Variants in ZFHX3 observed in about 807,000 individuals in gnomAD.
ZFHX3 encodes zinc finger homeobox protein 3.
ZFHX3 carries 42 observed loss-of-function variants against 279.1 expected under a neutral mutation model. The ratio of observed to expected loss-of-function variants is 0.15; its 90% CI spans 0.12 to 0.19. ZFHX3 has a LOEUF of 0.19. ZFHX3 is among the 10% of genes least tolerant of loss of function. ZFHX3 has a pLI of 1.00. For synonymous variants in ZFHX3, 2,293 were observed against 1,957.8 expected (o/e 1.17, Z -4.52); for missense variants, 4,981 against 4,754.0 (o/e 1.05, Z -1.40).
intron 1 of ZFHX3, among the ~76,000 whole-genome samples, chr16:73,854,174 G>A (rs1476334540): frequency 6.6e-6 from 1 of 152,166 alleles, no homozygotes. Flanking sequence ...TTATAAACTT[G>A]TTGGAATGTT....
chr16:73,444,147 T>C (rs1326880507), intron 3 of ZFHX3, among the ~76,000 whole-genome samples: 2 of 152,196 alleles, frequency 1.3e-5, no homozygotes, highest in Non-Finnish European at 2.9e-5. Context: ...CTCAATAAAA[T>C]ATTAGACAAA....
chr16:73,010,120 G>A (rs1267158325), intron 1 of ZFHX3, among the ~76,000 whole-genome samples: 1 of 152,006 alleles, frequency 6.6e-6, no homozygotes, highest in African/African-American at 2.4e-5. Flanking sequence ...TGGGAAGGTG[G>A]CACTCAGCTC....
At chr16:73,057,548 A>AG (rs1567653725) in intron 1 of ZFHX3, among the ~76,000 whole-genome samples, 4 of 149,680 alleles carry the variant, frequency 2.7e-5, no homozygotes, top group East Asian at 2.0e-4. Flanking sequence ...AAAAAAAAAA[A>AG]AAGAAGAAGA....
At chr16:72,981,362 A>G (rs1962592353) in intron 1 of ZFHX3, among the ~76,000 whole-genome samples, 1 of 152,246 alleles carries the variant, frequency 6.6e-6, no homozygotes, top group South Asian at 2.1e-4. Flanking sequence ...CTAAGGTTAT[A>G]TAACAGCTTG....
intron 1 of ZFHX3, among the ~76,000 whole-genome samples, chr16:73,834,339 G>A (rs911318384): frequency 3.9e-5 from 6 of 152,180 alleles, no homozygotes; most frequent in Admixed American, 2.6e-4. Flanking sequence ...CATGAAAAAG[G>A]TTAAGTTGTA....
chr16:73,271,086 T>G (rs1340442544), intron 4 of ZFHX3, among the ~76,000 whole-genome samples: 2 of 152,208 alleles, frequency 1.3e-5, no homozygotes, highest in African/African-American at 4.8e-5. Flanking sequence ...TGATTTAATT[T>G]GTCTGGGGTG....
intron 1 of ZFHX3, chr16:73,816,088 T>C (rs1960563820): frequency 6.6e-6 from 1 of 152,206 alleles, no homozygotes; most frequent in Admixed American, 6.5e-5. Flanking sequence ...TGGATCTAAG[T>C]AACCAGCTAG....
intron 1 of ZFHX3, among the ~76,000 whole-genome samples, chr16:73,794,944 T>C (rs1669180601): frequency 6.6e-6 from 1 of 152,164 alleles, no homozygotes; most frequent in Non-Finnish European, 1.5e-5. Flanking sequence ...ATAAAAAAAG[T>C]GTCTAAAAAT....
At chr16:72,999,761 C>G (rs1963427342) in intron 1 of ZFHX3, among the ~76,000 whole-genome samples, 1 of 152,178 alleles carries the variant, frequency 6.6e-6, no homozygotes. Flanking sequence ...CACACTTTGG[C>G]AGCAACTCTT....
chr16:73,305,049 G>A (rs555177871), intron 4 of ZFHX3, among the ~76,000 whole-genome samples: 3 of 150,470 alleles, frequency 2.0e-5, no homozygotes, highest in South Asian at 4.3e-4. Flanking sequence ...CAGAATGACA[G>A]AGACCACAAA....
rs1191245127 is a variant in ZFHX3 at position 72,788,682 on chromosome 16, CTGCTGGGGG to C, written c.9585_9593del (p.Pro3196_Gln3198del). 6.2e-7 allele frequency: 1 copy of C among 1,610,176 alleles called. No individual in the cohort carries two copies. Among genetic ancestry groups the C allele is most frequent in the Non-Finnish European group, 8.5e-7 (1 of 1,178,236 alleles). ...CCTGTGGTTGCTGCTGCTGCTGCTG[CTGCTGGGGG>C]GGTTGCTGAGGGCCCATCGCCATCG... On this transcript the variant is annotated inframe_deletion, in exon 10 of 10. Transcript: ENST00000268489.
chr16:72,832,980 CTG>C (rs1373010755), intron 4 of ZFHX3, among the ~76,000 whole-genome samples: 1 of 152,250 alleles, frequency 6.6e-6, no homozygotes, highest in East Asian at 1.9e-4. Flanking sequence ...AACCGGAAAA[CTG>C]TGAGCTCTGA....
intron 2 of ZFHX3, among the ~76,000 whole-genome samples, chr16:73,649,293 G>C (rs917894843): frequency 4.6e-5 from 7 of 152,074 alleles, no homozygotes; most frequent in Non-Finnish European, 7.4e-5. Flanking sequence ...CTTCTGGCTT[G>C]GCTTCCTGTT....
intron 3 of ZFHX3, among the ~76,000 whole-genome samples, chr16:73,349,013 T>C (rs1223596433): frequency 3.9e-5 from 6 of 152,084 alleles, no homozygotes; most frequent in Non-Finnish European, 7.4e-5. Context: ...ATCCTGGGGG[T>C]CCACAGGAAC....
At chr16:73,726,179 G>T (rs2053516964) in intron 1 of ZFHX3, among the ~76,000 whole-genome samples, 1 of 152,172 alleles carries the variant, frequency 6.6e-6, no homozygotes, top group South Asian at 2.1e-4. Context: ...AAGTCTAGGG[G>T]CGAGGGGTGA....
intron 1 of ZFHX3, among the ~76,000 whole-genome samples, chr16:73,885,987 G>A (rs1402890241): frequency 6.6e-6 from 1 of 152,116 alleles, no homozygotes; most frequent in Non-Finnish European, 1.5e-5. Context: ...CCATCCATAT[G>A]CCTGTATACT....
In ZFHX3 at chr16:73,039,881, T is replaced by G. The variant is rs139304455; in HGVS notation, c.-50+7871A>C. On this transcript the variant is annotated intron_variant, in intron 1 of 9. Coordinates refer to ENST00000268489, the MANE Select transcript of ZFHX3 (RefSeq NM_006885.4). ...ATCCAGGAGCAGGAGGGGACATCCC[T>G]TTGCAAAATGGCTTCTCTCCAGAGC... 1.5e-3 allele frequency among the ~76,000 whole-genome samples: 227 copies of G among 151,832 alleles called. 1 individual carries two copies. Among genetic ancestry groups the G allele is most frequent in the African/African-American group, 5.1e-3 (213 of 41,392 alleles).
chr16:73,770,205 A>C (rs763531729), intron 1 of ZFHX3, among the ~76,000 whole-genome samples: 2 of 152,248 alleles, frequency 1.3e-5, no homozygotes, highest in Non-Finnish European at 2.9e-5. Context: ...GAGTAGGGTG[A>C]CTTAAGAATC....
At chr16:73,095,740 GGCTGTTCT>G (rs1966154127) in intron 7 of ZFHX3, among the ~76,000 whole-genome samples, 1 of 152,176 alleles carries the variant, frequency 6.6e-6, no homozygotes, top group Non-Finnish European at 1.5e-5. Context: ...AATATTGTGT[GGCTGTTCT>G]GCTTTTCATC....
Sources: gnomAD v4.1 joint callset for allele counts (sites outside exome capture counted in the v4.1 genomes callset) on GRCh38, gnomAD v4.1.1 for gene constraint, MANE v1.5 for transcripts, NCBI Gene and HGNC (gene_info 2026-07-23, HGNC 2026-07-21) for gene names.